QRFPR: variants seen among roughly 807,000 people sequenced by gnomAD.
QRFPR encodes the protein pyroglutamylated RF-amide peptide receptor.
Under a neutral mutation model 31.3 loss-of-function variants are expected in QRFPR, and 37 were observed. The ratio of observed to expected loss-of-function variants is 1.18; its 90% CI spans 0.91 to 1.56. The LOEUF (loss-of-function observed/expected upper bound fraction) is 1.56, where lower values mean the gene tolerates loss of function less well. Among genes scored for constraint, QRFPR ranks in the 40% most tolerant of loss-of-function variants. The pLI is 0.00. For missense variants in QRFPR, 542 were observed against 532.5 expected (o/e 1.02, Z -0.18); for synonymous variants, 197 against 192.0 (o/e 1.03, Z -0.22).
chr4:121,373,565 T>C (rs1016537641), intron 1 of QRFPR, among the ~76,000 whole-genome samples: 1 of 152,256 alleles, frequency 6.6e-6, no homozygotes, highest in Non-Finnish European at 1.5e-5. Context: ...CACAATACTG[T>C]TGATTTTACA....
chr4:121,361,168 T>C (rs1176225720), intron 1 of QRFPR, among the ~76,000 whole-genome samples: 3 of 133,998 alleles, frequency 2.2e-5, no homozygotes, highest in Admixed American at 1.4e-4. Context: ...ATTAGAGAAA[T>C]TTGTAATTTC....
intron 3 of QRFPR, chr4:121,334,497 A>C (rs1725396280): frequency 5.5e-6 from 1 of 183,134 alleles, no homozygotes. Flanking sequence ...ACCACGGGGC[A>C]CCAAAACAAG....
intron 1 of QRFPR, among the ~76,000 whole-genome samples, chr4:121,361,714 A>AAT (rs759844007): frequency 1.3e-5 from 2 of 150,314 alleles, no homozygotes; most frequent in African/African-American, 2.5e-5. Context: ...AAAAGTTCAC[A>AAT]ATAGATTGAA....
At chr4:121,362,095 C>A (rs1454458647) in intron 1 of QRFPR, among the ~76,000 whole-genome samples, 1 of 150,160 alleles carries the variant, frequency 6.7e-6, no homozygotes, top group Non-Finnish European at 1.5e-5. Context: ...TGTGTGAAAG[C>A]CATGCAGAGC....
At chr4:121,375,639 T>C (rs1726337306) in intron 1 of QRFPR, among the ~76,000 whole-genome samples, 2 of 152,194 alleles carry the variant, frequency 1.3e-5, no homozygotes, top group African/African-American at 4.8e-5. Flanking sequence ...ATTGATTAGA[T>C]ACTATTTCAG....
chr4:121,362,178 G>A (rs781332901), intron 1 of QRFPR, among the ~76,000 whole-genome samples: 1 of 149,990 alleles, frequency 6.7e-6, no homozygotes, highest in Non-Finnish European at 1.5e-5. Context: ...TTTTCTTAAG[G>A]TTTTTTAATG....
rs1397115848 is a variant in QRFPR, at chr4:121,333,037, T to C, written c.581A>G (p.Tyr194Cys). 2 of 1,610,190 alleles carry C rather than the reference T, an allele frequency of 1.2e-6. No individual in the cohort carries two copies. Among genetic ancestry groups the C allele is most frequent in the Non-Finnish European group, 8.5e-7 (1 of 1,176,762 alleles). ...QQLEIKYDFL[Y>C]EKEHICCLEE... ...TAAGCAGCAGATGTGTTCCTTTTCA[T>C]ATAGGAAGTCATATTTGATCTTCAT... Residue 194 changes from tyrosine to cysteine, a missense_variant, in exon 4 of 6, where the codon TAT becomes TGT. Coordinates refer to ENST00000394427, the MANE Select transcript of QRFPR (RefSeq NM_198179.3).
intron 3 of QRFPR, 40 bp downstream of exon 3, chr4:121,336,757 GGTGAGAAAAT>G: frequency 7.3e-7 from 1 of 1,374,130 alleles, no homozygotes; most frequent in Non-Finnish European, 1.0e-6. Flanking sequence ...AATTAAGAGG[GGTGAGAAAAT>G]AGTTCAACAA....
At chr4:121,356,797 A>T (rs1477267972) in intron 1 of QRFPR, among the ~76,000 whole-genome samples, 3 of 151,930 alleles carry the variant, frequency 2.0e-5, no homozygotes, top group Non-Finnish European at 4.4e-5. Flanking sequence ...ACTAGGGGAG[A>T]AGTGATGCAA....
At chr4:121,369,443 G>C (rs968135977) in intron 1 of QRFPR, 75 of 901,740 alleles carry the variant, frequency 8.3e-5, no homozygotes, top group Non-Finnish European at 1.2e-4. Context: ...GAAGCCAGTG[G>C]GTGTGAGCAC....
chr4:121,340,986 T>C (rs1011686333), intron 1 of QRFPR, among the ~76,000 whole-genome samples: 5 of 152,218 alleles, frequency 3.3e-5, no homozygotes, highest in Non-Finnish European at 7.3e-5. Context: ...TTCTTTTGGC[T>C]TCCTGGCAAA....
rs1560749138 is a variant in QRFPR, at chr4:121,380,188, A to AGAGAGAGAGAGAGAGG, written c.340+119_340+120insCCTCTCTCTCTCTCTC. 818 of 93,906 alleles carry AGAGAGAGAGAGAGAGG rather than the reference A, an allele frequency of 8.7e-3. 9 individuals carry two copies. The highest frequency in any genetic ancestry group is 0.012 in the Non-Finnish European group (642 of 55,244). The allele number at this position is 93,906 out of a possible 1,614,324, so 5.8% of individuals were successfully genotyped here. A position where few individuals can be genotyped will look rare whatever the true frequency, so the allele number is the denominator to read the frequency against. On this transcript the variant is annotated intron_variant, in intron 1 of 5. Transcript: ENST00000394427. ...GAGAGAGACAGACAGACGAGAGAGG[A>AGAGAGAGAGAGAGAGG]GAGAGAGAGAGAGAGAGAGAGAGAG...
At chr4:121,378,407 CTTTTTT>C (rs34846492) in intron 1 of QRFPR, among the ~76,000 whole-genome samples, 1 of 100,926 alleles carries the variant, frequency 9.9e-6, no homozygotes. Context: ...GCTCACTGCA[CTTTTTT>C]TTTTTTTTTT....
chr4:121,369,524 AT>A, intron 1 of QRFPR: 1 of 1,550,472 alleles, frequency 6.4e-7, no homozygotes, highest in Non-Finnish European at 8.9e-7. Flanking sequence ...TGGGAAGTCC[AT>A]CTTGGGTGGC....
intron 1 of QRFPR, among the ~76,000 whole-genome samples, chr4:121,348,385 T>G (rs1725698170): frequency 6.6e-6 from 1 of 152,134 alleles, no homozygotes; most frequent in South Asian, 2.1e-4. Flanking sequence ...TCACATATAT[T>G]CTGCTTGGGA....
chr4:121,336,232 TG>T (rs1191548108), intron 3 of QRFPR, among the ~76,000 whole-genome samples: 17 of 152,192 alleles, frequency 1.1e-4, no homozygotes, highest in Admixed American at 1.1e-3. Context: ...ACAGACAGGC[TG>T]GGCTGTCTGA....
rs371653214 is a variant in QRFPR, at chr4:121,365,590, TTA to T, written c.340+14716_340+14717del. Reference sequence around the variant, plus strand: ...TTATATATAATATATATTATATATATTATATATATATAATATATATATTATAT... The same window carrying T: ...TTATATATAATATATATTATATATATTATATATATAATATATATATTATAT... On this transcript the variant is annotated intron_variant, in intron 1 of 5. Transcript: ENST00000394427. Among the ~76,000 whole-genome samples, 32 of 5,620 alleles carry T rather than the reference TTA, an allele frequency of 5.7e-3. 3 individuals carry two copies. The highest frequency in any genetic ancestry group is 0.021 in the African/African-American group (20 of 932). The allele number at this position is 5,620 out of a possible 152,430, so 3.7% of individuals were successfully genotyped here. A position where few individuals can be genotyped will look rare whatever the true frequency, so the allele number is the denominator to read the frequency against.
At position 121,380,892 on chromosome 4, in the gene QRFPR, A is replaced by C; in HGVS notation, c.-245T>G. On this transcript the variant is annotated 5_prime_UTR_variant, in exon 1 of 6. Coordinates refer to ENST00000394427, the MANE Select transcript of QRFPR (RefSeq NM_198179.3). Reference sequence around the variant, plus strand: ...CTGGGAGACTCGATCTCAGTGACCAAAAAATGTTCGCGGTTCAAATAAAGT... The same window carrying C: ...CTGGGAGACTCGATCTCAGTGACCACAAAATGTTCGCGGTTCAAATAAAGT... 2 of 490,754 alleles carry C rather than the reference A, an allele frequency of 4.1e-6. No homozygotes were observed. The highest frequency in any genetic ancestry group is 7.1e-6 in the Non-Finnish European group (2 of 280,266). The allele number at this position is 490,754 out of a possible 1,614,324, so 30.4% of individuals were successfully genotyped here. A position where few individuals can be genotyped will look rare whatever the true frequency, so the allele number is the denominator to read the frequency against.
At chr4:121,335,458 C>G (rs1236656790) in intron 3 of QRFPR, among the ~76,000 whole-genome samples, 1 of 151,652 alleles carries the variant, frequency 6.6e-6, no homozygotes, top group Non-Finnish European at 1.5e-5. Flanking sequence ...AGCAAACAAT[C>G]AGTCACAGGC....
Sources: allele counts gnomAD v4.1 joint callset (sites outside exome capture counted in the v4.1 genomes callset), GRCh38; gene constraint gnomAD v4.1.1; transcripts MANE v1.5; gene names NCBI Gene and HGNC (gene_info 2026-07-23, HGNC 2026-07-21).